The following TNS1 variants were observed in gnomAD, a reference collection of about 807,000 sequenced individuals.
The protein encoded by TNS1 is tensin 1.
Under a neutral mutation model 168.6 loss-of-function variants are expected in TNS1, and 62 were observed. The ratio of observed to expected loss-of-function variants is 0.37; its 90% CI spans 0.30 to 0.45. The LOEUF is 0.45. TNS1 is among the 20% of genes least tolerant of loss of function. The pLI, the probability that TNS1 is intolerant of heterozygous loss-of-function variation, is 1.00. For synonymous variants in TNS1, 934 were observed against 933.2 expected (o/e 1.00, Z -0.02); for missense variants, 2,240 against 2,339.4 (o/e 0.96, Z 0.88).
intron 8 of TNS1, among the ~76,000 whole-genome samples, 199 bp from the exon 9 acceptor site, chr2:217,895,255 C>T (rs930315644): frequency 6.6e-6 from 1 of 152,204 alleles, no homozygotes. Context: ...GCCATGAGCT[C>T]CCTGGACCTC....
chr2:217,812,125 G>C (rs562614756), intron 28 of TNS1, among the ~76,000 whole-genome samples: 2 of 152,176 alleles, frequency 1.3e-5, no homozygotes, highest in Non-Finnish European at 2.9e-5. Context: ...TTCTTCATAC[G>C]GAGAGTTTTC....
intron 1 of TNS1, among the ~76,000 whole-genome samples, chr2:217,999,430 T>A (rs1449186433): frequency 6.6e-6 from 1 of 152,242 alleles, no homozygotes; most frequent in Non-Finnish European, 1.5e-5. Flanking sequence ...GTCACACAGC[T>A]GTCAAGTGAC....
At position 217,848,002 on chromosome 2, in the gene TNS1, T is replaced by C. The variant is rs762681326; in HGVS notation, c.2515A>G (p.Met839Val). The C allele has an allele frequency of 7.9e-6, 12 of 1,515,034 alleles. No individual in the cohort carries two copies. Among genetic ancestry groups the C allele is most frequent in the Non-Finnish European group, 1.1e-5 (12 of 1,129,472 alleles). The allele number at this position is 1,515,034 out of a possible 1,614,324, so 93.8% of individuals were successfully genotyped here. A position where few individuals can be genotyped will look rare whatever the true frequency, so the allele number is the denominator to read the frequency against. ...GCTGGCTCCAGGTCCAGCATCAGCA[T>C]ATTGAGTGTTTCGATGGACTGTTCA... ...EIEQSIETLNMLMLDLEPASA... is the reference protein window; with the variant it reads ...EIEQSIETLNVLMLDLEPASA... The change falls in exon 19 of 33, where the codon ATG (methionine) becomes GTG (valine). Residue 839 changes from methionine (M) to valine (V), a missense_variant. By Grantham distance (21) the Met-to-Val change is conservative. This residue lies in a region of TNS1 where 2,131 missense variants were observed against 2,171.2 expected (regional missense o/e 0.98). Transcript: ENST00000682258.
chr2:217,843,851 C>G (rs1946302885), intron 19 of TNS1, among the ~76,000 whole-genome samples: 1 of 152,162 alleles, frequency 6.6e-6, no homozygotes, highest in African/African-American at 2.4e-5. Flanking sequence ...ACATTGAGAT[C>G]TCACATACAC....
chr2:217,963,273 C>G (rs1161415940), intron 3 of TNS1, among the ~76,000 whole-genome samples: 1 of 152,234 alleles, frequency 6.6e-6, no homozygotes, highest in Non-Finnish European at 1.5e-5. Context: ...GAAAACAGAA[C>G]TGGCCCAGGG....
intron 4 of TNS1, among the ~76,000 whole-genome samples, chr2:217,913,542 C>A (rs1954666054): frequency 6.6e-6 from 1 of 152,164 alleles, no homozygotes; most frequent in Non-Finnish European, 1.5e-5. Flanking sequence ...AGCCTTGAAG[C>A]CACACTGAGC....
At chr2:218,000,621 T>C (rs1246523954) in intron 1 of TNS1, among the ~76,000 whole-genome samples, 2 of 152,208 alleles carry the variant, frequency 1.3e-5, no homozygotes, top group Non-Finnish European at 2.9e-5. Flanking sequence ...ACTTTACAGA[T>C]CAAGAAATTG....
At position 217,808,404 on chromosome 2, in the gene TNS1, T is replaced by C. The variant is rs369512003; in HGVS notation, c.5342+199A>G. 3.4e-4 allele frequency among the ~76,000 whole-genome samples: 52 copies of C among 152,214 alleles called. No homozygotes were observed. The South Asian group carries it at 0.011, about 32-fold the overall frequency. ...GGGGTAGCAGTGGGCACTGAGTCCC[T>C]GGGAGGGTCTCCATATCTATAGTGG... On this transcript the variant is annotated intron_variant, in intron 31 of 32. Coordinates refer to ENST00000682258, the MANE Select transcript of TNS1 (RefSeq NM_001387777.1).
At chr2:217,924,965 A>G (rs4672860) in intron 3 of TNS1, among the ~76,000 whole-genome samples, 4,588 of 152,246 alleles carry the variant, frequency 0.03, 190 homozygotes, top group East Asian at 0.2. Flanking sequence ...TTATAAAGCT[A>G]GGGGTACACA....
intron 18 of TNS1, among the ~76,000 whole-genome samples, chr2:217,852,654 C>A (rs986802879): frequency 6.6e-6 from 1 of 152,232 alleles, no homozygotes; most frequent in African/African-American, 2.4e-5. Flanking sequence ...CCCTTCCTTG[C>A]CCCTGTGGCC....
chr2:217,832,520 A>G (rs1944583133), intron 21 of TNS1, among the ~76,000 whole-genome samples: 1 of 152,230 alleles, frequency 6.6e-6, no homozygotes, highest in Non-Finnish European at 1.5e-5. Flanking sequence ...CACAGCCCCA[A>G]GGATACTCTG....
chr2:217,804,371 C>A lies in TNS1; in HGVS notation c.*88G>T. 6.5e-7 allele frequency: 1 copy of A among 1,536,462 alleles called. No homozygotes were observed. Among genetic ancestry groups the A allele is most frequent in the South Asian group, 1.2e-5 (1 of 80,798 alleles). ...CCTCCGAAATTGGCCCAAAGTCCTC[C>A]TTCTGGGTTCAAGAGTGGTCAGGAT... is the stretch of plus-strand genomic sequence containing the variant. On this transcript the variant is annotated 3_prime_UTR_variant, in exon 33 of 33. Coordinates refer to ENST00000682258, the MANE Select transcript of TNS1 (RefSeq NM_001387777.1).
intron 18 of TNS1, among the ~76,000 whole-genome samples, chr2:217,871,762 G>A (rs1159509254): frequency 6.6e-6 from 1 of 152,266 alleles, no homozygotes; most frequent in African/African-American, 2.4e-5. Context: ...GGCCCCAGGA[G>A]ATGAAGGGAG....
At chr2:217,843,083 C>A (rs55840817) in intron 19 of TNS1, among the ~76,000 whole-genome samples, 65,033 of 151,494 alleles carry the variant, frequency 0.43, 14,812 homozygotes, top group African/African-American at 0.6. Flanking sequence ...CATGTTGAAT[C>A]GAATGATTGA....
chr2:217,867,850 C>T (rs184785087), intron 18 of TNS1, among the ~76,000 whole-genome samples: 2 of 152,210 alleles, frequency 1.3e-5, no homozygotes, highest in African/African-American at 4.8e-5. Flanking sequence ...CGGGACTGAC[C>T]AACTCCCCTT....
intron 19 of TNS1, chr2:217,841,323 G>A: frequency 4.1e-6 from 4 of 977,146 alleles, no homozygotes; most frequent in Non-Finnish European, 4.9e-6. Flanking sequence ...AGCAGGGAGT[G>A]GGAGGCAGGA....
intron 12 of TNS1, among the ~76,000 whole-genome samples, chr2:217,887,443 G>A: frequency 6.6e-6 from 1 of 152,148 alleles, no homozygotes. Flanking sequence ...TGAGTAGCTG[G>A]GATTACAGGC....
intron 17 of TNS1, chr2:217,881,475 A>G: frequency 6.2e-6 from 1 of 160,872 alleles, no homozygotes; most frequent in Non-Finnish European, 1.4e-5. Context: ...AAGGACATAA[A>G]GCCTCCAAAG....
intron 1 of TNS1, among the ~76,000 whole-genome samples, chr2:217,993,540 A>C (rs1013173348): frequency 2.0e-5 from 3 of 152,212 alleles, no homozygotes; most frequent in Non-Finnish European, 2.9e-5. Context: ...ACCCAAACTA[A>C]GGGACAACCT....
Sources: gnomAD v4.1 joint callset for allele counts (sites outside exome capture counted in the v4.1 genomes callset) on GRCh38, gnomAD v4.1.1 for gene constraint, gnomAD v4.1.1 regional missense constraint, MANE v1.5 for transcripts, NCBI Gene and HGNC (gene_info 2026-07-23, HGNC 2026-07-21) for gene names.